The following ARL15 variants were observed in gnomAD, a reference collection of about 807,000 sequenced individuals.
The protein encoded by ARL15 is ARF like GTPase 15.
In ARL15, 19 loss-of-function variants were observed where a neutral mutation model predicts 25.2. That is an observed-to-expected ratio of 0.75 (90% confidence interval 0.53 to 1.10). ARL15 has a LOEUF of 1.10. Ranked by LOEUF, ARL15 falls within the 50% of genes least tolerant of loss-of-function variation. ARL15 has a pLI of 0.00. For synonymous variants in ARL15, 94 were observed against 86.8 expected (o/e 1.08, Z -0.46); for missense variants, 220 against 246.0 (o/e 0.89, Z 0.71).
chr5:54,079,179 T>C (rs1052676902), intron 4 of ARL15, among the ~76,000 whole-genome samples: 2 of 152,250 alleles, frequency 1.3e-5, no homozygotes, highest in African/African-American at 4.8e-5. Context: ...ATTATACCAT[T>C]ATTTTTAGTT....
rs150689979 is a variant in ARL15, at chr5:54,244,732, C to T, written c.48+65700G>A. On this transcript the variant is annotated intron_variant, in intron 1 of 4. Coordinates refer to ENST00000504924, the MANE Select transcript of ARL15 (RefSeq NM_019087.3). ...TGCCTCTCTCCAGCACTGTCCCTCC[C>T]CATCATTATCACCATTAATGATTTC... is the stretch of plus-strand genomic sequence containing the variant. Among the ~76,000 whole-genome samples the T allele has an allele frequency of 1.9e-3, 282 of 152,064 alleles. 1 individual carries two copies. Among genetic ancestry groups the T allele is most frequent in the African/African-American group, 6.5e-3 (271 of 41,456 alleles).
intron 4 of ARL15, among the ~76,000 whole-genome samples, chr5:54,010,394 T>C (rs1301954768): frequency 2.6e-5 from 4 of 152,230 alleles, no homozygotes; most frequent in Non-Finnish European, 5.9e-5. Context: ...ATTGATACTG[T>C]CACTGCTAAA....
rs1745657564 is a variant in ARL15 at position 53,916,597 on chromosome 5, G to A, written c.463-29884C>T. Among the ~76,000 whole-genome samples, 3 of 152,188 alleles carry A rather than the reference G, an allele frequency of 2.0e-5. No individual in the cohort carries two copies. The South Asian group carries it at 6.2e-4, about 32-fold the overall frequency. ...TTTGGAAAGTGCCTAGTAAGACAGGGGCAGGTGACATGTTCTTTTAAGGCA... is the reference window on the plus strand; with the variant it reads ...TTTGGAAAGTGCCTAGTAAGACAGGAGCAGGTGACATGTTCTTTTAAGGCA... On this transcript the variant is annotated intron_variant, in intron 4 of 4. Transcript: ENST00000504924.
chr5:54,044,478 C>G (rs576014414), intron 4 of ARL15, among the ~76,000 whole-genome samples: 1 of 152,236 alleles, frequency 6.6e-6, no homozygotes, highest in South Asian at 2.1e-4. Flanking sequence ...CTCCTGACCT[C>G]AGGTGATCCA....
rs569154106 is a variant in ARL15, at chr5:54,227,525, G to C, written c.49-55597C>G. Among the ~76,000 whole-genome samples, 3 of 152,242 alleles carry C rather than the reference G, an allele frequency of 2.0e-5. No homozygotes were observed. The East Asian group carries it at 5.8e-4, about 29-fold the overall frequency. ...AACGCTGAGTCTGGCAGAAACCAAG[G>C]CCCTCCCACTCCAGAATTTAGCCCT... On this transcript the variant is annotated intron_variant, in intron 1 of 4. Coordinates refer to ENST00000504924, the MANE Select transcript of ARL15 (RefSeq NM_019087.3).
chr5:54,071,510 T>C (rs369081260), intron 4 of ARL15, among the ~76,000 whole-genome samples: 35 of 64,076 alleles, frequency 5.5e-4, no homozygotes, highest in South Asian at 2.9e-3. Context: ...CCACCGCCTT[T>C]CCCCCCCCCC....
intron 1 of ARL15, among the ~76,000 whole-genome samples, chr5:54,273,335 G>A (rs927341407): frequency 1.3e-5 from 2 of 152,182 alleles, no homozygotes; most frequent in African/African-American, 4.8e-5. Flanking sequence ...TGCTCCTGCT[G>A]AGATGCACTG....
intron 4 of ARL15, among the ~76,000 whole-genome samples, chr5:53,962,495 A>G (rs1022296176): frequency 1.3e-5 from 2 of 152,138 alleles, no homozygotes; most frequent in Admixed American, 6.5e-5. Context: ...GAACCATACA[A>G]GAGTGTGTTG....
chr5:54,012,526 C>CTTTT (rs1311444885), intron 4 of ARL15, among the ~76,000 whole-genome samples: 1 of 140,882 alleles, frequency 7.1e-6, no homozygotes, highest in African/African-American at 2.6e-5. Flanking sequence ...TATTTCTTTT[C>CTTTT]TTTTTTTTTT....
At chr5:53,919,152 C>T (rs969206127) in intron 4 of ARL15, among the ~76,000 whole-genome samples, 18 of 152,290 alleles carry the variant, frequency 1.2e-4, no homozygotes, top group Admixed American at 2.0e-4. Context: ...AAACAGGAAC[C>T]ATATTGCAAA....
rs927009717 is a variant in ARL15, at chr5:53,886,001, C to T, written c.*560G>A. ...GCCAATTTTACTATGGCAGGATATTCCTTCCTGATAAGGTGATTAATGAAG... is the reference window on the plus strand; with the variant it reads ...GCCAATTTTACTATGGCAGGATATTTCTTCCTGATAAGGTGATTAATGAAG... On this transcript the variant is annotated 3_prime_UTR_variant, in exon 5 of 5. Transcript: ENST00000504924. The T allele has an allele frequency of 1.3e-5, 2 of 151,786 alleles. No homozygotes were observed. The highest frequency in any genetic ancestry group is 2.4e-5 in the African/African-American group (1 of 41,310). The allele number at this position is 151,786 out of a possible 1,614,324, so 9.4% of individuals were successfully genotyped here.
At chr5:54,099,982 C>T (rs1389265926) in intron 4 of ARL15, among the ~76,000 whole-genome samples, 1 of 151,198 alleles carries the variant, frequency 6.6e-6, no homozygotes, top group Non-Finnish European at 1.5e-5. Context: ...TCAAGTTAAA[C>T]CTGGGTATAT....
chr5:54,044,155 T>A (rs142501457), intron 4 of ARL15, among the ~76,000 whole-genome samples: 1 of 152,310 alleles, frequency 6.6e-6, no homozygotes, highest in East Asian at 1.9e-4. Flanking sequence ...CAAAAGTTTC[T>A]TGTAAGTACA....
chr5:54,207,026 G>A (rs546056763), intron 1 of ARL15, among the ~76,000 whole-genome samples: 5 of 152,364 alleles, frequency 3.3e-5, no homozygotes, highest in African/African-American at 7.2e-5. Flanking sequence ...ACGCCCATGC[G>A]TGAGATGCTG....
rs184757696 is a variant in ARL15 at position 53,895,390 on chromosome 5, T to C, written c.463-8677A>G. Among the ~76,000 whole-genome samples, 21 of 152,318 alleles carry C rather than the reference T, an allele frequency of 1.4e-4. No individual in the cohort carries two copies. In the East Asian group the frequency reaches 3.9e-3, roughly 28 times the overall value. ...AAAGCCATATTTTATTTCCTCTCTG[T>C]GTTTAGCCTGTGTTTCTTTCGTGTA... On this transcript the variant is annotated intron_variant, in intron 4 of 4. Transcript: ENST00000504924.
chr5:54,273,419 T>G lies in ARL15; in HGVS notation c.48+37013A>C, dbSNP rs537821977. On this transcript the variant is annotated intron_variant, in intron 1 of 4. Coordinates refer to ENST00000504924, the MANE Select transcript of ARL15 (RefSeq NM_019087.3). ...TCTTAACCTAATCACGAAGAAACAA[T>G]TAGACAAATCTAAACTGAAAGAAAT... Among the ~76,000 whole-genome samples, 5 of 152,306 alleles carry G rather than the reference T, an allele frequency of 3.3e-5. No individual in the cohort carries two copies. The East Asian group carries it at 9.6e-4, about 29-fold the overall frequency.
chr5:54,100,308 T>C (rs1446121297), intron 4 of ARL15, among the ~76,000 whole-genome samples: 1 of 151,908 alleles, frequency 6.6e-6, no homozygotes, highest in Non-Finnish European at 1.5e-5. Flanking sequence ...GGAGAAAGGA[T>C]GGGAAAATGA....
At chr5:54,292,220 C>T (rs1758352253) in intron 1 of ARL15, among the ~76,000 whole-genome samples, 1 of 152,108 alleles carries the variant, frequency 6.6e-6, no homozygotes, top group Non-Finnish European at 1.5e-5. Context: ...TGGCAGGAGC[C>T]CTCCCCTCCC....
intron 4 of ARL15, among the ~76,000 whole-genome samples, chr5:54,005,004 CT>C (rs1254371863): frequency 1.3e-5 from 2 of 150,510 alleles, no homozygotes; most frequent in African/African-American, 4.9e-5. Flanking sequence ...TTTCTTTTTT[CT>C]TTTGAATAAT....
Sources: gnomAD v4.1 joint callset for allele counts (sites outside exome capture counted in the v4.1 genomes callset) on GRCh38, gnomAD v4.1.1 for gene constraint, MANE v1.5 for transcripts, NCBI Gene and HGNC (gene_info 2026-07-23, HGNC 2026-07-21) for gene names.